The following GALNT13 variants were observed in gnomAD, a reference collection of about 807,000 sequenced individuals.
GALNT13 encodes polypeptide N-acetylgalactosaminyltransferase 13, also known as UDP-GalNAc:polypeptide N-acetylgalactosaminyltransferase 13.
In GALNT13, 28 loss-of-function variants were observed where a neutral mutation model predicts 64.2. That is an observed-to-expected ratio of 0.44 (90% confidence interval 0.32 to 0.60). The LOEUF is 0.60. Among genes scored for constraint, GALNT13 ranks in the 20% least tolerant of loss-of-function variants. The pLI is 0.05. For missense variants in GALNT13, 577 were observed against 669.8 expected (o/e 0.86, Z 1.53); for synonymous variants, 214 against 224.6 (o/e 0.95, Z 0.42).
the GALNT13 span, among the ~76,000 whole-genome samples, chr2:153,737,385 G>T: frequency 1.3e-5 from 2 of 150,256 alleles, no homozygotes; most frequent in Non-Finnish European, 3.0e-5. Flanking sequence ...TGGAATTGTG[G>T]TTTTTTTTCA....
At chr2:154,012,147 A>G (rs1415923639) in intron 3 of GALNT13, among the ~76,000 whole-genome samples, 1 of 152,094 alleles carries the variant, frequency 6.6e-6, no homozygotes, top group Non-Finnish European at 1.5e-5. Flanking sequence ...GGATTGTGTA[A>G]GTGCTTTATG....
the GALNT13 span, among the ~76,000 whole-genome samples, chr2:153,805,459 A>G: frequency 1.3e-5 from 2 of 152,106 alleles, no homozygotes; most frequent in East Asian, 3.8e-4. Flanking sequence ...AACTCAGTAA[A>G]TTGTTTCCTT....
chr2:153,222,115 C>T, the GALNT13 span, among the ~76,000 whole-genome samples: 3 of 152,096 alleles, frequency 2.0e-5, no homozygotes, highest in South Asian at 2.1e-4. Flanking sequence ...ATGAGGTATG[C>T]GGACAACTGG....
chr2:154,305,650 A>G (rs1693691950), intron 9 of GALNT13, among the ~76,000 whole-genome samples: 1 of 152,168 alleles, frequency 6.6e-6, no homozygotes, highest in South Asian at 2.1e-4. Flanking sequence ...TATAACTTGA[A>G]TTATGACAAT....
chr2:153,703,904 A>C, the GALNT13 span, among the ~76,000 whole-genome samples: 1 of 152,146 alleles, frequency 6.6e-6, no homozygotes, highest in African/African-American at 2.4e-5. Context: ...TTCACAGTAA[A>C]ATAAAAATAT....
intron 10 of GALNT13, among the ~76,000 whole-genome samples, chr2:154,404,952 AAAAGG>A (rs1699461103): frequency 6.6e-6 from 1 of 152,106 alleles, no homozygotes; most frequent in African/African-American, 2.4e-5. Flanking sequence ...TCTTATGCAA[AAAAGG>A]AAAGAAGGAA....
the GALNT13 span, among the ~76,000 whole-genome samples, chr2:153,789,587 C>A: frequency 2.0e-5 from 3 of 151,892 alleles, no homozygotes; most frequent in African/African-American, 7.3e-5. Context: ...ACAAATAACC[C>A]AAATCAGAGT....
At position 154,065,300 on chromosome 2, in the gene GALNT13, ACT is replaced by A. The variant is rs201875605; in HGVS notation, c.143-75033_143-75032del. On this transcript the variant is annotated intron_variant, in intron 3 of 12. Transcript: ENST00000392825. The stretch of plus-strand genomic sequence containing the variant: ...TCTGGACCTACTCAGGGCCTGGGGA[ACT>A]CTCCATCCTGGAGGGAAGGACACAA... 3.7e-3 allele frequency among the ~76,000 whole-genome samples: 561 copies of A among 152,124 alleles called. 7 individuals are homozygous for A. The highest frequency in any genetic ancestry group is 0.013 in the African/African-American group (539 of 41,520).
intron 1 of GALNT13, among the ~76,000 whole-genome samples, chr2:153,884,785 ATGTG>A (rs1179176058): frequency 3.3e-5 from 4 of 122,450 alleles, no homozygotes; most frequent in African/African-American, 1.0e-4. Context: ...ATATATATAT[ATGTG>A]TGTGTATATA....
At chr2:153,686,771 G>A in the GALNT13 span, among the ~76,000 whole-genome samples, 4 of 152,028 alleles carry the variant, frequency 2.6e-5, no homozygotes, top group Non-Finnish European at 1.5e-5. Context: ...GATGTTAGCT[G>A]CGAGTTTGTC....
chr2:154,364,995 A>G (rs1020185763), intron 9 of GALNT13, among the ~76,000 whole-genome samples: 1 of 152,110 alleles, frequency 6.6e-6, no homozygotes, highest in South Asian at 2.1e-4. Context: ...TTTTATGTAC[A>G]TTTGCATTCT....
the GALNT13 span, among the ~76,000 whole-genome samples, chr2:153,624,419 T>C: frequency 6.6e-6 from 1 of 152,098 alleles, no homozygotes; most frequent in South Asian, 2.1e-4. Context: ...GATAATGGAA[T>C]ACAAACAAAT....
chr2:154,212,835 T>G (rs923481670), intron 4 of GALNT13, among the ~76,000 whole-genome samples: 1 of 149,326 alleles, frequency 6.7e-6, no homozygotes, highest in African/African-American at 2.4e-5. Flanking sequence ...AATACAATGT[T>G]TTTTTTTTTC....
At chr2:153,293,778 T>G in the GALNT13 span, among the ~76,000 whole-genome samples, 1 of 44,818 alleles carries the variant, frequency 2.2e-5, no homozygotes, top group Non-Finnish European at 5.9e-5. Flanking sequence ...TGTGTGTGTG[T>G]GTGTGTGTGT....
the GALNT13 span, among the ~76,000 whole-genome samples, chr2:153,624,125 T>C: frequency 6.6e-6 from 1 of 152,062 alleles, no homozygotes; most frequent in Non-Finnish European, 1.5e-5. Flanking sequence ...TCCAGACTCT[T>C]TGTTGATTAT....
the GALNT13 span, among the ~76,000 whole-genome samples, chr2:153,122,833 AT>A: frequency 6.6e-6 from 1 of 152,120 alleles, no homozygotes; most frequent in Admixed American, 6.6e-5. Flanking sequence ...CCCCAAAAAT[AT>A]ATTAAGTCCT....
chr2:153,497,386 T>G, the GALNT13 span, among the ~76,000 whole-genome samples: 2 of 152,140 alleles, frequency 1.3e-5, no homozygotes, highest in Non-Finnish European at 2.9e-5. Flanking sequence ...CCACAGTTCT[T>G]TATGTGTCCT....
chr2:153,698,331 T>C, the GALNT13 span, among the ~76,000 whole-genome samples: 1 of 152,078 alleles, frequency 6.6e-6, no homozygotes, highest in African/African-American at 2.4e-5. Context: ...CCCATCAGTG[T>C]GCTATATTCA....
the GALNT13 span, among the ~76,000 whole-genome samples, chr2:153,542,131 A>T: frequency 6.6e-6 from 1 of 152,070 alleles, no homozygotes. Context: ...CAGTCTGGCC[A>T]ACATGTTGAA....
Sources: allele counts gnomAD v4.1 joint callset (sites outside exome capture counted in the v4.1 genomes callset), GRCh38; gene constraint gnomAD v4.1.1; transcripts MANE v1.5; gene names NCBI Gene and HGNC (gene_info 2026-07-23, HGNC 2026-07-21).